The following FBXL7 variants were observed in gnomAD, a reference collection of about 807,000 sequenced individuals.
FBXL7 encodes F-box and leucine rich repeat protein 7, also known as F-box/LRR-repeat protein 7.
In FBXL7, 12 loss-of-function variants were observed where a neutral mutation model predicts 38.3. The observed-to-expected ratio is 0.31, with a 90% CI of 0.20 to 0.51. The LOEUF (loss-of-function observed/expected upper bound fraction) is 0.51. FBXL7 is among the 20% of genes least tolerant of loss of function. The probability of loss-of-function intolerance (pLI) is 0.98; values close to 1 mark genes in which losing one functional copy is unlikely to be tolerated. For synonymous variants in FBXL7, 297 were observed against 300.9 expected (o/e 0.99, Z 0.13); for missense variants, 567 against 676.4 (o/e 0.84, Z 1.79).
At chr5:15,896,404 T>G (rs1387171953) in intron 2 of FBXL7, among the ~76,000 whole-genome samples, 1 of 152,186 alleles carries the variant, frequency 6.6e-6, no homozygotes, top group African/African-American at 2.4e-5. Context: ...GAATAAGCCA[T>G]CAGAATGTTG....
At chr5:15,763,801 A>G (rs1185241934) in intron 2 of FBXL7, among the ~76,000 whole-genome samples, 1 of 152,236 alleles carries the variant, frequency 6.6e-6, no homozygotes, top group Non-Finnish European at 1.5e-5. Flanking sequence ...TAAAAAACAT[A>G]CAGATAGAGC....
intron 2 of FBXL7, among the ~76,000 whole-genome samples, chr5:15,622,152 T>C (rs1021133795): frequency 1.3e-5 from 2 of 152,144 alleles, no homozygotes; most frequent in Non-Finnish European, 2.9e-5. Context: ...TCCCCACATA[T>C]AGCACAATTG....
rs1279323292 is a variant in FBXL7 at position 15,909,424 on chromosome 5, G to A, written c.128-18466G>A. 8.2e-5 allele frequency among the ~76,000 whole-genome samples: 2 copies of A among 24,374 alleles called. 1 individual carries two copies. 16.0% of individuals were successfully genotyped at this position (24,374 alleles called of 152,430 possible). On this transcript the variant is annotated intron_variant, in intron 2 of 3. Coordinates refer to ENST00000504595, the MANE Select transcript of FBXL7 (RefSeq NM_012304.5). ...TTCTTCTCTCTTTTTTTCTTTATTA[G>A]TCTTGCTAGCGGTCTATCAATTTTG...
intron 2 of FBXL7, among the ~76,000 whole-genome samples, chr5:15,747,263 T>C (rs556035203): frequency 6.6e-6 from 1 of 152,318 alleles, no homozygotes; most frequent in Admixed American, 6.5e-5. Context: ...AAGATGTTAT[T>C]TTGCTTTTAC....
At chr5:15,793,832 TAG>T (rs59343073) in intron 2 of FBXL7, among the ~76,000 whole-genome samples, 6,025 of 152,290 alleles carry the variant, frequency 0.04, 397 homozygotes, top group African/African-American at 0.14. Flanking sequence ...GTGGCAGAGT[TAG>T]AGTTTCTGCA....
intron 1 of FBXL7, among the ~76,000 whole-genome samples, chr5:15,592,134 G>A (rs2126481876): frequency 6.6e-6 from 1 of 152,294 alleles, no homozygotes; most frequent in East Asian, 1.9e-4. Context: ...GACACCTACT[G>A]TGTTCATGCT....
chr5:15,681,421 T>C (rs1415543523), intron 2 of FBXL7, among the ~76,000 whole-genome samples: 1 of 152,206 alleles, frequency 6.6e-6, no homozygotes, highest in African/African-American at 2.4e-5. Context: ...TGAAAAATGT[T>C]CTCAACATAT....
intron 2 of FBXL7, among the ~76,000 whole-genome samples, chr5:15,714,351 G>T (rs1024457458): frequency 4.6e-5 from 7 of 152,144 alleles, no homozygotes; most frequent in Non-Finnish European, 1.0e-4. Flanking sequence ...TTCCATGACT[G>T]TGAGATTCCT....
chr5:15,655,185 AT>A (rs1209818850), intron 2 of FBXL7, among the ~76,000 whole-genome samples: 29 of 152,340 alleles, frequency 1.9e-4, no homozygotes, highest in African/African-American at 6.7e-4. Flanking sequence ...TTTCTGTGGT[AT>A]CAGAAATGAT....
chr5:15,768,673 G>A (rs1033872421), intron 2 of FBXL7, among the ~76,000 whole-genome samples: 17 of 152,168 alleles, frequency 1.1e-4, no homozygotes, highest in Admixed American at 9.8e-4. Context: ...TCTGGGATGG[G>A]GCTGGTCATG....
chr5:15,916,052 G>A (rs571824644), intron 2 of FBXL7, among the ~76,000 whole-genome samples: 7 of 152,260 alleles, frequency 4.6e-5, no homozygotes, highest in South Asian at 2.1e-4. Flanking sequence ...AACGTAAGGC[G>A]GAACTTTTGT....
intron 2 of FBXL7, among the ~76,000 whole-genome samples, chr5:15,808,942 AACTG>A (rs1367793456): frequency 6.6e-6 from 1 of 152,204 alleles, no homozygotes; most frequent in African/African-American, 2.4e-5. Flanking sequence ...TTCTGAAGAC[AACTG>A]ACTATTATTT....
chr5:15,823,464 A>G (rs1175515541), intron 2 of FBXL7, among the ~76,000 whole-genome samples: 1 of 152,194 alleles, frequency 6.6e-6, no homozygotes, highest in Non-Finnish European at 1.5e-5. Flanking sequence ...CTGTAATTTG[A>G]CCTAATGACA....
chr5:15,791,081 G>T (rs543207677), intron 2 of FBXL7, among the ~76,000 whole-genome samples: 8 of 143,836 alleles, frequency 5.6e-5, no homozygotes, highest in South Asian at 2.4e-4. Context: ...AGGGGGGGGG[G>T]GGTTATTGCA....
At chr5:15,592,564 T>C (rs1739512821) in intron 1 of FBXL7, among the ~76,000 whole-genome samples, 1 of 152,216 alleles carries the variant, frequency 6.6e-6, no homozygotes. Context: ...AGTTCAGGCT[T>C]TCCATTTTAA....
intron 2 of FBXL7, among the ~76,000 whole-genome samples, chr5:15,842,416 C>T (rs1381963593): frequency 6.6e-6 from 1 of 152,152 alleles, no homozygotes; most frequent in South Asian, 2.1e-4. Flanking sequence ...AACTTTCTTT[C>T]GAATTTACAG....
chr5:15,918,644 G>C (rs1741662208), intron 2 of FBXL7, among the ~76,000 whole-genome samples: 1 of 152,212 alleles, frequency 6.6e-6, no homozygotes, highest in Admixed American at 6.5e-5. Flanking sequence ...TCAGTGAAGA[G>C]CTGAACAGTG....
At chr5:15,554,393 G>A (rs184695079) in intron 1 of FBXL7, among the ~76,000 whole-genome samples, 227 of 152,196 alleles carry the variant, frequency 1.5e-3, no homozygotes, top group African/African-American at 5.2e-3. Flanking sequence ...TAGAACAGTC[G>A]TAACTACCAA....
intron 2 of FBXL7, among the ~76,000 whole-genome samples, chr5:15,842,809 T>C (rs1738785303): frequency 6.6e-6 from 1 of 152,224 alleles, no homozygotes; most frequent in Non-Finnish European, 1.5e-5. Context: ...CCTTCCACCA[T>C]GATTGTGAGG....
Sources: allele counts gnomAD v4.1 joint callset (sites outside exome capture counted in the v4.1 genomes callset), GRCh38; gene constraint gnomAD v4.1.1; transcripts MANE v1.5; gene names NCBI Gene and HGNC (gene_info 2026-07-23, HGNC 2026-07-21).